Variants in SLC24A2 observed in about 807,000 individuals in gnomAD.
The protein encoded by SLC24A2 is sodium/potassium/calcium exchanger 2.
Under a neutral mutation model 62.0 loss-of-function variants are expected in SLC24A2, and 36 were observed. That is an observed-to-expected ratio of 0.58 (90% CI 0.44 to 0.77). The LOEUF (loss-of-function observed/expected upper bound fraction) is 0.77. SLC24A2 is among the 30% of genes least tolerant of loss of function. The pLI is 0.00. For missense variants in SLC24A2, 846 were observed against 817.9 expected, an observed-to-expected ratio of 1.03 and a Z score of -0.42; for synonymous variants, 358 against 294.0, an observed-to-expected ratio of 1.22 and a Z score of -2.23.
At chr9:19,664,467 G>T (rs972219900) in intron 2 of SLC24A2, among the ~76,000 whole-genome samples, 1 of 152,196 alleles carries the variant, frequency 6.6e-6, no homozygotes, top group Non-Finnish European at 1.5e-5. Flanking sequence ...TTGGATATTA[G>T]CATTCCTGTT....
rs1563926163 is a variant in SLC24A2, at chr9:19,517,945, ACACACACACACACT to A, written c.1737-1557_1737-1544del. Among the ~76,000 whole-genome samples, 8 of 149,582 alleles carry A rather than the reference ACACACACACACACT, an allele frequency of 5.3e-5. No individual in the cohort carries two copies. In the South Asian group the frequency reaches 6.6e-4, roughly 12 times the overall value. On this transcript the variant is annotated intron_variant, in intron 10 of 10. Coordinates refer to ENST00000341998, the MANE Select transcript of SLC24A2 (RefSeq NM_020344.4). ...CACACACACACACACACACACACAC[ACACACACACACACT>A]CTCACACTTCTAGTGAAGTTGAGTT...
chr9:20,095,847 T>A, the SLC24A2 span, among the ~76,000 whole-genome samples: 1 of 152,076 alleles, frequency 6.6e-6, no homozygotes, highest in South Asian at 2.1e-4. Flanking sequence ...GCAAGTCTTA[T>A]ATGGCAGCAG....
chr9:20,232,689 C>T, the SLC24A2 span, among the ~76,000 whole-genome samples: 1 of 151,544 alleles, frequency 6.6e-6, no homozygotes, highest in East Asian at 1.9e-4. Context: ...AAAACCAGCT[C>T]CTGGATTCGT....
At chr9:20,110,944 A>C in the SLC24A2 span, among the ~76,000 whole-genome samples, 2 of 152,198 alleles carry the variant, frequency 1.3e-5, no homozygotes, top group African/African-American at 4.8e-5. Flanking sequence ...AATTGGCAGC[A>C]CTTTTTTTCT....
the SLC24A2 span, among the ~76,000 whole-genome samples, chr9:20,306,374 G>C: frequency 1.3e-5 from 2 of 152,226 alleles, no homozygotes; most frequent in Non-Finnish European, 2.9e-5. Context: ...CAAAGCAATT[G>C]ATTTGTCTCT....
Position 19,767,995 on chromosome 9 carries a change from G to A in SLC24A2, c.930+17942C>T, listed in dbSNP as rs59290803. On this transcript the variant is annotated intron_variant, in intron 2 of 10. Transcript: ENST00000341998. Reference sequence around the variant, plus strand: ...GGGCATCGCATGGTGAACGGGCTAAGTGTGCTAGCTCAGGTCTTTCTTCTT... The same window carrying A: ...GGGCATCGCATGGTGAACGGGCTAAATGTGCTAGCTCAGGTCTTTCTTCTT... Among the ~76,000 whole-genome samples, 1,459 of 152,244 alleles carry A rather than the reference G, an allele frequency of 9.6e-3. 30 individuals are homozygous for A. Among genetic ancestry groups the A allele is most frequent in the African/African-American group, 0.033 (1,365 of 41,522 alleles).
chr9:20,225,245 G>A, the SLC24A2 span, among the ~76,000 whole-genome samples: 120 of 151,852 alleles, frequency 7.9e-4, no homozygotes, highest in East Asian at 0.022. Flanking sequence ...TTCTGCTCTA[G>A]GGAGAATCTT....
the SLC24A2 span, among the ~76,000 whole-genome samples, chr9:19,923,082 C>T: frequency 1.3e-5 from 2 of 151,594 alleles, no homozygotes; most frequent in Non-Finnish European, 2.9e-5. Context: ...AGACATTTTT[C>T]TGGGACCTTA....
chr9:19,990,633 A>C, the SLC24A2 span, among the ~76,000 whole-genome samples: 1 of 148,220 alleles, frequency 6.7e-6, no homozygotes, highest in Non-Finnish European at 1.5e-5. Flanking sequence ...AAAAAAACAA[A>C]ACAAAAAAAA....
the SLC24A2 span, among the ~76,000 whole-genome samples, chr9:19,931,639 C>T: frequency 6.6e-6 from 1 of 152,140 alleles, no homozygotes; most frequent in Non-Finnish European, 1.5e-5. Context: ...TACATGTTAT[C>T]TTCAAATTAG....
At chr9:20,146,784 C>A in the SLC24A2 span, among the ~76,000 whole-genome samples, 1 of 152,074 alleles carries the variant, frequency 6.6e-6, no homozygotes, top group Non-Finnish European at 1.5e-5. Context: ...GCAAGAGATA[C>A]CCTTGATCTG....
At chr9:20,287,687 C>G in the SLC24A2 span, among the ~76,000 whole-genome samples, 1 of 152,140 alleles carries the variant, frequency 6.6e-6, no homozygotes, top group African/African-American at 2.4e-5. Context: ...GAGGGAAATC[C>G]TACACCAAAG....
chr9:19,651,179 C>T (rs1042900012), intron 2 of SLC24A2, among the ~76,000 whole-genome samples: 1 of 152,140 alleles, frequency 6.6e-6, no homozygotes, highest in Non-Finnish European at 1.5e-5. Flanking sequence ...AGTAAAGCTA[C>T]AACACCCTAA....
At chr9:20,190,504 T>C in the SLC24A2 span, among the ~76,000 whole-genome samples, 1 of 152,194 alleles carries the variant, frequency 6.6e-6, no homozygotes, top group Admixed American at 6.5e-5. Context: ...AAGCATCTAA[T>C]ATACATCATA....
chr9:19,545,325 G>A (rs559824005), intron 8 of SLC24A2, among the ~76,000 whole-genome samples: 44 of 151,946 alleles, frequency 2.9e-4, no homozygotes, highest in Non-Finnish European at 4.0e-4. Context: ...TTAGCAATTC[G>A]CGTAACCTTT....
the SLC24A2 span, among the ~76,000 whole-genome samples, chr9:19,798,078 A>G: frequency 6.6e-6 from 1 of 152,112 alleles, no homozygotes; most frequent in Non-Finnish European, 1.5e-5. Flanking sequence ...TTTATATAGA[A>G]TTGGATCTTA....
At chr9:20,104,170 A>G in the SLC24A2 span, among the ~76,000 whole-genome samples, 10 of 152,152 alleles carry the variant, frequency 6.6e-5, no homozygotes, top group Admixed American at 6.6e-4. Flanking sequence ...AAAGAAATGA[A>G]CAAAGCCTCC....
chr9:20,019,192 A>C, the SLC24A2 span, among the ~76,000 whole-genome samples: 2 of 149,822 alleles, frequency 1.3e-5, no homozygotes, highest in Non-Finnish European at 3.0e-5. Flanking sequence ...AAGGAAAAGA[A>C]AGAAAGAAGG....
chr9:19,972,814 G>A, the SLC24A2 span, among the ~76,000 whole-genome samples: 1 of 151,834 alleles, frequency 6.6e-6, no homozygotes, highest in South Asian at 2.1e-4. Context: ...GAGGCTCAGA[G>A]AAAGTGAGCA....
Sources: gnomAD v4.1 joint callset for allele counts (sites outside exome capture counted in the v4.1 genomes callset) on GRCh38, gnomAD v4.1.1 for gene constraint, MANE v1.5 for transcripts, NCBI Gene and HGNC (gene_info 2026-07-23, HGNC 2026-07-21) for gene names.